The following PALLD variants were observed in gnomAD, a reference collection of about 807,000 sequenced individuals.
PALLD encodes palladin, cytoskeletal associated protein.
Under a neutral mutation model 123.5 loss-of-function variants are expected in PALLD, and 61 were observed. That is an observed-to-expected ratio of 0.49 (90% CI 0.40 to 0.61). PALLD has a LOEUF of 0.61. Among genes scored for constraint, PALLD ranks in the 20% least tolerant of loss-of-function variants. The pLI is 0.00. For synonymous variants in PALLD, 465 were observed against 496.4 expected (o/e 0.94, Z 0.84); for missense variants, 1,273 against 1,377.0 (o/e 0.92, Z 1.20).
intron 10 of PALLD, among the ~76,000 whole-genome samples, chr4:168,856,617 T>C (rs1013958549): frequency 9.9e-5 from 15 of 152,242 alleles, no homozygotes; most frequent in African/African-American, 3.4e-4. Context: ...CATTTTTTCA[T>C]GTTTGTCAGC....
chr4:168,637,587 T>A (rs573245735), intron 2 of PALLD, among the ~76,000 whole-genome samples: 2 of 152,244 alleles, frequency 1.3e-5, no homozygotes, highest in African/African-American at 4.8e-5. Flanking sequence ...AGGCATTTCC[T>A]ACTCTGGGTC....
At chr4:168,883,616 GA>G (rs1752930514) in intron 10 of PALLD, among the ~76,000 whole-genome samples, 1 of 152,212 alleles carries the variant, frequency 6.6e-6, no homozygotes, top group South Asian at 2.1e-4. Context: ...GCCAAAAAAA[GA>G]GACCTCTTGG....
At chr4:168,569,898 G>A (rs771864751) in intron 2 of PALLD, among the ~76,000 whole-genome samples, 4 of 152,150 alleles carry the variant, frequency 2.6e-5, no homozygotes, top group Non-Finnish European at 5.9e-5. Context: ...TCAGGGGCTT[G>A]TGTCTCTTTG....
intron 21 of PALLD, among the ~76,000 whole-genome samples, chr4:168,925,863 A>G (rs563874767): frequency 3.3e-5 from 5 of 152,330 alleles, no homozygotes; most frequent in Admixed American, 6.5e-5. Flanking sequence ...CCTAAGTGCT[A>G]TAATTATTTT....
At chr4:168,499,707 T>C (rs1369829667) in intron 1 of PALLD, among the ~76,000 whole-genome samples, 1 of 152,194 alleles carries the variant, frequency 6.6e-6, no homozygotes, top group African/African-American at 2.4e-5. Context: ...TTGGTGTATG[T>C]TATTCCAACC....
chr4:168,529,269 G>A (rs1764370972), intron 2 of PALLD, among the ~76,000 whole-genome samples: 1 of 152,020 alleles, frequency 6.6e-6, no homozygotes, highest in East Asian at 1.9e-4. Flanking sequence ...ACCAGGAGGT[G>A]GAGGTTGCAG....
chr4:168,910,082 C>T (rs899295761), intron 15 of PALLD, among the ~76,000 whole-genome samples: 1 of 152,040 alleles, frequency 6.6e-6, no homozygotes, highest in Non-Finnish European at 1.5e-5. Flanking sequence ...GATAACTATT[C>T]CTTTTTCTTA....
At chr4:168,576,013 G>A (rs1769536115) in intron 2 of PALLD, among the ~76,000 whole-genome samples, 6 of 152,080 alleles carry the variant, frequency 3.9e-5, no homozygotes, top group Middle Eastern at 3.4e-3. Context: ...CACAATTGGA[G>A]GAAAACTGGT....
chr4:168,744,462 A>G (rs571828023), intron 10 of PALLD, among the ~76,000 whole-genome samples: 1 of 149,910 alleles, frequency 6.7e-6, no homozygotes, highest in East Asian at 2.0e-4. Flanking sequence ...GAGCAGAACA[A>G]AACAGAGCCA....
At chr4:168,505,975 C>T (rs12644832) in intron 1 of PALLD, 59,947 of 152,100 alleles carry the variant, frequency 0.39, 12,710 homozygotes, top group East Asian at 0.59. Flanking sequence ...ACAATCTCTA[C>T]ATTCAAACTC....
rs535947672 is a variant in PALLD at position 168,690,693 on chromosome 4, C to T, written c.1426C>T (p.Arg476Trp). 23 of 1,614,120 alleles carry T rather than the reference C, an allele frequency of 1.4e-5. No individual in the cohort carries two copies. The highest frequency in any genetic ancestry group is 6.7e-5 in the African/African-American group (5 of 75,014). ...GAPPLQVQWF[R>W]QGSEIQDSPD... The stretch of plus-strand genomic sequence containing the variant: ...ACCCCCTCTGCAGGTCCAGTGGTTT[C>T]GGCAAGGGAGTGAAATCCAAGACTC... Residue 476 changes from arginine to tryptophan, a missense_variant, in exon 7 of 22, where the codon CGG (arginine) becomes TGG (tryptophan). By Grantham distance (101) the Arg-to-Trp change is moderately radical. This residue lies in a region of PALLD where 944 missense variants were observed against 954.5 expected (regional missense o/e 0.99). Transcript: ENST00000505667.
intron 10 of PALLD, among the ~76,000 whole-genome samples, chr4:168,819,273 T>C (rs1322341856): frequency 6.6e-6 from 1 of 152,162 alleles, no homozygotes; most frequent in Non-Finnish European, 1.5e-5. Flanking sequence ...TGTAATTCTT[T>C]TGTGAGAAAA....
chr4:168,801,018 C>T (rs529063371), intron 10 of PALLD, among the ~76,000 whole-genome samples: 19 of 152,200 alleles, frequency 1.2e-4, no homozygotes, highest in Non-Finnish European at 2.6e-4. Flanking sequence ...AAAAAGAATA[C>T]AGTCAGATTC....
In PALLD at chr4:168,927,757, G is replaced by A. The variant is rs1241516463; in HGVS notation, c.*1577G>A. The A allele has an allele frequency of 1.4e-5, 3 of 221,156 alleles. No individual in the cohort carries two copies. Among genetic ancestry groups the A allele is most frequent in the African/African-American group, 6.7e-5 (3 of 44,636 alleles). 13.7% of individuals were successfully genotyped at this position (221,156 alleles called of 1,614,324 possible). ...TATGATTTTGCATCAGCTAGACTGA[G>A]TTGATTCTGACCAGACTTGATGGTT... On this transcript the variant is annotated 3_prime_UTR_variant, in exon 22 of 22. Coordinates refer to ENST00000505667, the MANE Select transcript of PALLD (RefSeq NM_001166108.2).
At chr4:168,573,031 G>A (rs1232297967) in intron 2 of PALLD, among the ~76,000 whole-genome samples, 1 of 113,528 alleles carries the variant, frequency 8.8e-6, no homozygotes, top group Non-Finnish European at 1.8e-5. Flanking sequence ...TCTAGAGTCT[G>A]TCCACCTCTC....
Position 168,926,509 on chromosome 4 carries a change from C to A in PALLD, c.*329C>A, listed in dbSNP as rs1021376806. The stretch of plus-strand genomic sequence containing the variant: ...CTATAAGAAATTAAAAAAAAAACAC[C>A]AAAATAATATTTTTCTTACTTGATA... On this transcript the variant is annotated 3_prime_UTR_variant, in exon 22 of 22. Transcript: ENST00000505667. 3.0e-6 allele frequency: 2 copies of A among 657,488 alleles called. No homozygotes were observed. Among genetic ancestry groups the A allele is most frequent in the Non-Finnish European group, 5.0e-6 (2 of 402,546 alleles). 40.7% of individuals were successfully genotyped at this position (657,488 alleles called of 1,614,324 possible).
At chr4:168,921,872 C>A in intron 18 of PALLD, 131 bp downstream of exon 18, 1 of 772,620 alleles carries the variant, frequency 1.3e-6, no homozygotes, top group Non-Finnish European at 2.2e-6. Context: ...TCAAAATAGC[C>A]AATGAGGACA....
At chr4:168,639,735 G>A (rs1015460231) in intron 2 of PALLD, among the ~76,000 whole-genome samples, 43 of 151,894 alleles carry the variant, frequency 2.8e-4, no homozygotes, top group Admixed American at 1.4e-3. Context: ...TAGTAGAGAC[G>A]GGGTTTCACC....
intron 10 of PALLD, among the ~76,000 whole-genome samples, chr4:168,743,965 A>G (rs571728027): frequency 1.5e-4 from 23 of 152,286 alleles, no homozygotes; most frequent in African/African-American, 4.8e-4. Context: ...TCTTTGCTAT[A>G]GATAGAGGGG....
Sources: allele counts gnomAD v4.1 joint callset (sites outside exome capture counted in the v4.1 genomes callset), GRCh38; gene constraint gnomAD v4.1.1; regional missense constraint gnomAD v4.1.1; transcripts MANE v1.5; gene names NCBI Gene and HGNC (gene_info 2026-07-23, HGNC 2026-07-21).